The following PEX1 variants were observed in gnomAD, a reference collection of about 807,000 sequenced individuals.
The protein encoded by PEX1 is peroxisomal ATPase PEX1.
Under a neutral mutation model 152.5 loss-of-function variants are expected in PEX1, and 97 were observed. The ratio of observed to expected loss-of-function variants is 0.64; its 90% CI spans 0.54 to 0.75. PEX1 has a LOEUF of 0.75. Ranked by LOEUF, PEX1 falls within the 30% of genes least tolerant of loss-of-function variation. PEX1 has a pLI of 0.00. For missense variants in PEX1, 1,357 were observed against 1,516.3 expected (o/e 0.89, Z 1.74); for synonymous variants, 485 against 531.6 (o/e 0.91, Z 1.21).
chr7:92,497,032 C>T (rs1160727309), intron 16 of PEX1, among the ~76,000 whole-genome samples: 1 of 152,098 alleles, frequency 6.6e-6, no homozygotes, highest in African/African-American at 2.4e-5. Context: ...TGCCCAAATA[C>T]CACCTCTTCA....
intron 17 of PEX1, among the ~76,000 whole-genome samples, chr7:92,496,350 T>C (rs1279570844): frequency 1.3e-5 from 2 of 152,036 alleles, no homozygotes; most frequent in African/African-American, 2.4e-5. Context: ...TCTTGACTTA[T>C]AAGAGATAAA....
intron 15 of PEX1, among the ~76,000 whole-genome samples, chr7:92,500,524 A>G (rs1173985171): frequency 6.6e-6 from 1 of 152,216 alleles, no homozygotes; most frequent in Non-Finnish European, 1.5e-5. Context: ...TCCATGTACT[A>G]ATGCTTGATG....
intron 2 of PEX1, among the ~76,000 whole-genome samples, chr7:92,521,564 A>G (rs1383323374): frequency 6.6e-6 from 1 of 152,020 alleles, no homozygotes; most frequent in Non-Finnish European, 1.5e-5. Flanking sequence ...CCTCCTGAGT[A>G]GCTGGGATTA....
intron 15 of PEX1, 91 bp from the exon 16 acceptor site, chr7:92,499,929 A>T (rs1791846705): frequency 1.0e-6 from 1 of 988,662 alleles, no homozygotes; most frequent in African/African-American, 1.6e-5. Flanking sequence ...TAGAAAAAAA[A>T]TTCAGATGGT....
intron 1 of PEX1, among the ~76,000 whole-genome samples, chr7:92,522,904 G>A (rs894961711): frequency 3.9e-5 from 6 of 152,176 alleles, no homozygotes; most frequent in Non-Finnish European, 7.4e-5. Context: ...GTTCTCAGAG[G>A]TAATTACTGC....
intron 8 of PEX1, 156 bp downstream of exon 8, chr7:92,510,788 A>G: frequency 1.9e-6 from 1 of 537,256 alleles, no homozygotes; most frequent in South Asian, 2.6e-5. Flanking sequence ...ATTTAAAGAG[A>G]TTACAGAATA....
At chr7:92,506,766 G>A (rs1792210303) in intron 10 of PEX1, 2 of 570,998 alleles carry the variant, frequency 3.5e-6, no homozygotes, top group Non-Finnish European at 6.2e-6. Context: ...AACTGACACA[G>A]AAAAAGGGCA....
rs746022877 is a variant in PEX1, at chr7:92,528,476, G to T, written c.-41C>A. 5 of 1,537,362 alleles carry T rather than the reference G, an allele frequency of 3.3e-6. No individual in the cohort carries two copies. The highest frequency in any genetic ancestry group is 4.4e-6 in the Non-Finnish European group (5 of 1,142,788). On this transcript the variant is annotated 5_prime_UTR_variant, in exon 1 of 24. Transcript: ENST00000248633. ...CTCTGGGTTCGCCCACCCTAGCGCC[G>T]CAAAGGACCCGGGACCCGGCAGGCC...
Position 92,489,422 on chromosome 7 carries a change from T to G in PEX1, c.3638A>C (p.Glu1213Ala). ...TCCTGGTTGGTTCATGGATTCGTCC[T>G]CCTTAAGTAAAAAAAGAAATTGACG... ...IKGRYRSQSGEDESMNQPGPI... is the reference protein window; with the variant it reads ...IKGRYRSQSGADESMNQPGPI... Residue 1213 changes from glutamate (E) to alanine (A), a missense_variant and splice_region_variant, in exon 23 of 24, where the codon GAG becomes GCG. Coordinates refer to ENST00000248633, the MANE Select transcript of PEX1 (RefSeq NM_000466.3). 1 of 1,612,502 alleles carries G rather than the reference T, an allele frequency of 6.2e-7. No individual in the cohort carries two copies. Among genetic ancestry groups the G allele is most frequent in the Non-Finnish European group, 8.5e-7 (1 of 1,178,766 alleles).
In PEX1 at chr7:92,496,771, C is replaced by T; in HGVS notation, c.2725G>A (p.Glu909Lys). The T allele has an allele frequency of 6.2e-7, 1 of 1,604,656 alleles. No homozygotes were observed. The highest frequency in any genetic ancestry group is 1.7e-5 in the Admixed American group (1 of 59,994). The part of the protein sequence containing the change: ...RMNFISVKGP[E>K]LLSKYIGASE... ...GCTCCAATGTATTTGCTGAGTAACT[C>T]TGGCCCCTATTGGGTAAAATAAGAG... is the stretch of plus-strand genomic sequence containing the variant. Residue 909 changes from glutamate (E) to lysine (K), a missense_variant, in exon 17 of 24, where the codon GAG (glutamate) becomes AAG (lysine). By Grantham distance (56) the Glu-to-Lys change is moderately conservative (BLOSUM62 1). Coordinates refer to ENST00000248633, the MANE Select transcript of PEX1 (RefSeq NM_000466.3).
At chr7:92,527,418 TAAC>T (rs1208383539) in intron 1 of PEX1, among the ~76,000 whole-genome samples, 1 of 152,046 alleles carries the variant, frequency 6.6e-6, no homozygotes, top group African/African-American at 2.4e-5. Flanking sequence ...TAAAAAATAA[TAAC>T]GACGATGATA....
Position 92,518,231 on chromosome 7 carries a change from G to C in PEX1, c.382C>G (p.Gln128Glu). 1 of 1,612,152 alleles carries C rather than the reference G, an allele frequency of 6.2e-7. No individual in the cohort carries two copies. The highest frequency in any genetic ancestry group is 8.5e-7 in the Non-Finnish European group (1 of 1,178,266). ...ILELHAVSLE[Q>E]HLLDQIRIVF... ...ATTCGAATTTGATCTAGAAGATGTT[G>C]TTCAAGGGAAACAGCATGCAGCTCC... Residue 128 changes from glutamine (Q) to glutamate (E), a missense_variant, in exon 4 of 24, where the codon CAA becomes GAA. Transcript: ENST00000248633.
chr7:92,491,956 CTG>C (rs1387578106), intron 20 of PEX1, among the ~76,000 whole-genome samples: 1 of 152,128 alleles, frequency 6.6e-6, no homozygotes, highest in African/African-American at 2.4e-5. Flanking sequence ...GATTTAGAAA[CTG>C]TAGGTTCTGT....
chr7:92,491,486 G>A lies in PEX1; in HGVS notation c.3224C>T (p.Ser1075Phe), dbSNP rs771494018. ...TGAAGACAGACTTAGGTCACTATCA[G>A]AGCTGGAACTTCCATCCTAAAATAC... is the stretch of plus-strand genomic sequence containing the variant. ...SSGLQDGSSS[S>F]DSDLSLSSMV... The change falls in exon 21 of 24, where the codon TCT (serine) becomes TTT (phenylalanine). Residue 1075 changes from serine to phenylalanine, a missense_variant. Transcript: ENST00000248633. 15 of 1,608,506 alleles carry A rather than the reference G, an allele frequency of 9.3e-6. No individual in the cohort carries two copies. The highest frequency in any genetic ancestry group is 4.5e-5 in the East Asian group (2 of 44,850).
chr7:92,506,811 C>G (rs1792212504), intron 10 of PEX1, 183 bp downstream of exon 10: 2 of 633,814 alleles, frequency 3.2e-6, no homozygotes, highest in Admixed American at 5.3e-5. Context: ...ATCACTCCCC[C>G]AACACCTAAA....
intron 5 of PEX1, among the ~76,000 whole-genome samples, chr7:92,514,193 A>T (rs1172729867): frequency 6.6e-6 from 1 of 152,152 alleles, no homozygotes; most frequent in Non-Finnish European, 1.5e-5. Flanking sequence ...TCTCTTTTAT[A>T]AGAGCACGAA....
At chr7:92,526,162 T>G (rs1341522268) in intron 1 of PEX1, among the ~76,000 whole-genome samples, 1 of 152,214 alleles carries the variant, frequency 6.6e-6, no homozygotes, top group South Asian at 2.1e-4. Flanking sequence ...GTCTCTATCG[T>G]CATTAAAATT....
intron 21 of PEX1, chr7:92,490,208 T>C: frequency 2.7e-6 from 1 of 369,592 alleles, no homozygotes; most frequent in Non-Finnish European, 4.9e-6. Flanking sequence ...TTTCTTCATT[T>C]TCAGAAAGTA....
chr7:92,516,100 G>GAAAAGAAAAGAAAAGAA (rs1206445910), intron 5 of PEX1, among the ~76,000 whole-genome samples: 3 of 151,476 alleles, frequency 2.0e-5, no homozygotes, highest in African/African-American at 7.3e-5. Flanking sequence ...GAAAAGAAAA[G>GAAAAGAAAAGAAAAGAA]AAAAGAAAAG....
Sources: gnomAD v4.1 joint callset for allele counts (sites outside exome capture counted in the v4.1 genomes callset) on GRCh38, gnomAD v4.1.1 for gene constraint, MANE v1.5 for transcripts, NCBI Gene and HGNC (gene_info 2026-07-23, HGNC 2026-07-21) for gene names.